The following MAGI1 variants were observed in gnomAD, a reference collection of about 807,000 sequenced individuals.
The protein encoded by MAGI1 is membrane associated guanylate kinase, WW and PDZ domain containing 1.
MAGI1 carries 58 observed loss-of-function variants against 139.9 expected under a neutral mutation model. That is an observed-to-expected ratio of 0.41 (90% CI 0.34 to 0.52). The LOEUF is 0.52. MAGI1 is among the 20% of genes least tolerant of loss of function. The pLI is 0.12. For missense variants in MAGI1, 1,874 were observed against 1,901.6 expected, an observed-to-expected ratio of 0.99 and a Z score of 0.27; for synonymous variants, 812 against 737.9, an observed-to-expected ratio of 1.10 and a Z score of -1.63.
intron 1 of MAGI1, among the ~76,000 whole-genome samples, chr3:65,887,405 A>C (rs1430714854): frequency 8.0e-6 from 1 of 125,686 alleles, no homozygotes; most frequent in African/African-American, 3.0e-5. Flanking sequence ...AAAAAAAAAA[A>C]GGGCAGGGGC....
chr3:65,420,606 GAATTTGTCCCCCAAAAAGAGACAACA>G (rs1178083712), intron 12 of MAGI1, among the ~76,000 whole-genome samples: 1 of 152,038 alleles, frequency 6.6e-6, no homozygotes, highest in Non-Finnish European at 1.5e-5. Flanking sequence ...TGATGTTAAT[GAATTTGTCCCCCAAAAAGAGACAACA>G]AAGCAACTTC....
Position 65,375,780 on chromosome 3 carries a change from C to T in MAGI1, c.3161G>A (p.Gly1054Glu). The change falls in exon 18 of 23, where the codon GGA becomes GAA. Residue 1054 changes from glycine to glutamate, a missense_variant. By Grantham distance (98) the Gly-to-Glu change is moderately conservative. Coordinates refer to ENST00000402939, the MANE Select transcript of MAGI1 (RefSeq NM_001033057.2). ...AATGATGCGGAGGGTAACTGTGTTT[C>T]CCGCTTCCTTGATTAGGTTCACAAT... Reference protein sequence around the residue: ...SDIVNLIKEAGNTVTLRIIPG... With the variant: ...SDIVNLIKEAENTVTLRIIPG... 6.2e-7 allele frequency: 1 copy of T among 1,613,992 alleles called. No individual in the cohort carries two copies. The highest frequency in any genetic ancestry group is 1.3e-5 in the African/African-American group (1 of 74,986).
chr3:65,524,989 A>C (rs1166865108), intron 2 of MAGI1, among the ~76,000 whole-genome samples: 1 of 152,164 alleles, frequency 6.6e-6, no homozygotes, highest in African/African-American at 2.4e-5. Context: ...GTCTTCCAGA[A>C]ACAATTATTT....
chr3:65,790,806 G>A (rs1465054880), intron 1 of MAGI1, among the ~76,000 whole-genome samples: 1 of 152,214 alleles, frequency 6.6e-6, no homozygotes, highest in East Asian at 1.9e-4. Context: ...CTGGCACGGT[G>A]ACTCATGCCT....
chr3:66,038,126 G>A lies in MAGI1; in HGVS notation c.183C>T (p.Gly61=). Reference sequence around the variant, plus strand: ...GCAGCTCCCCTTCGCCCAGCCTCGGGCCCTCGCCGCCGCCGGGAAGCCCCG... The same window carrying A: ...GCAGCTCCCCTTCGCCCAGCCTCGGACCCTCGCCGCCGCCGGGAAGCCCCG... ...EAAGLPGGGE[G]PRLGEGELLL... is the part of the protein sequence containing the mutation. Residue 61 remains glycine, a synonymous_variant, in exon 1 of 23, where the codon GGC becomes GGT. Transcript: ENST00000402939. 1 of 1,612,126 alleles carries A rather than the reference G, an allele frequency of 6.2e-7. No individual in the cohort carries two copies. Among genetic ancestry groups the A allele is most frequent in the Non-Finnish European group, 8.5e-7 (1 of 1,179,476 alleles).
chr3:65,990,998 AG>A (rs1380871544), intron 1 of MAGI1, among the ~76,000 whole-genome samples: 1 of 151,960 alleles, frequency 6.6e-6, no homozygotes, highest in Non-Finnish European at 1.5e-5. Flanking sequence ...AAAAAATAAA[AG>A]TAAATGAGGC....
At chr3:65,742,952 A>G (rs994493420) in intron 1 of MAGI1, among the ~76,000 whole-genome samples, 1 of 152,240 alleles carries the variant, frequency 6.6e-6, no homozygotes, top group African/African-American at 2.4e-5. Context: ...CTGAAAACAG[A>G]TATGAAAATT....
chr3:65,568,308 C>T (rs1000269620), intron 2 of MAGI1, among the ~76,000 whole-genome samples: 6 of 150,012 alleles, frequency 4.0e-5, no homozygotes, highest in Non-Finnish European at 8.9e-5. Flanking sequence ...TGACTGGACA[C>T]TTTTTTTTTT....
chr3:65,878,469 T>C lies in MAGI1; in HGVS notation c.313+159527A>G, dbSNP rs1016295441. On this transcript the variant is annotated intron_variant, in intron 1 of 22. Coordinates refer to ENST00000402939, the MANE Select transcript of MAGI1 (RefSeq NM_001033057.2). ...AAGCAGAGGTTGCAGTGAGCCAAGA[T>C]TGCGCTATTGCACTCCAGCCTGGAC... is the stretch of plus-strand genomic sequence containing the variant. Among the ~76,000 whole-genome samples the C allele has an allele frequency of 2.0e-5, 3 of 149,398 alleles. 1 individual carries two copies. In the South Asian group the frequency reaches 6.3e-4, roughly 31 times the overall value.
At chr3:65,641,725 G>T (rs143276034) in intron 1 of MAGI1, among the ~76,000 whole-genome samples, 1 of 152,130 alleles carries the variant, frequency 6.6e-6, no homozygotes, top group African/African-American at 2.4e-5. Flanking sequence ...AATTTAAATC[G>T]TGTTTCTGCC....
chr3:65,837,574 C>T (rs374319614), intron 1 of MAGI1, among the ~76,000 whole-genome samples: 2 of 152,184 alleles, frequency 1.3e-5, no homozygotes, highest in African/African-American at 4.8e-5. Flanking sequence ...CAGCTGCTTA[C>T]CCAACCATGG....
At chr3:65,922,846 C>A (rs1560017186) in intron 1 of MAGI1, among the ~76,000 whole-genome samples, 2 of 152,162 alleles carry the variant, frequency 1.3e-5, no homozygotes, top group Non-Finnish European at 1.5e-5. Context: ...TAACCACTGG[C>A]GTATTTCCTG....
chr3:65,637,276 G>C (rs1405792380), intron 1 of MAGI1, among the ~76,000 whole-genome samples: 1 of 151,964 alleles, frequency 6.6e-6, no homozygotes, highest in Admixed American at 6.6e-5. Flanking sequence ...TTGCAAGCTG[G>C]GCATGGTGGC....
chr3:65,514,299 T>C (rs1394475104), intron 2 of MAGI1, among the ~76,000 whole-genome samples: 12 of 127,614 alleles, frequency 9.4e-5, no homozygotes, highest in African/African-American at 3.2e-4. Context: ...AAAGACAAAA[T>C]TGACAAATGG....
intron 1 of MAGI1, among the ~76,000 whole-genome samples, chr3:65,841,744 T>C (rs971363279): frequency 1.3e-5 from 2 of 152,136 alleles, no homozygotes; most frequent in Non-Finnish European, 2.9e-5. Flanking sequence ...TCTTTTCTAA[T>C]ATAAGCATTT....
At chr3:65,907,912 CCT>C (rs1201600803) in intron 1 of MAGI1, among the ~76,000 whole-genome samples, 2 of 152,262 alleles carry the variant, frequency 1.3e-5, no homozygotes, top group African/African-American at 2.4e-5. Context: ...TAAAATGTCC[CCT>C]GTCACGTGTT....
At chr3:65,520,781 T>C (rs939590050) in intron 2 of MAGI1, among the ~76,000 whole-genome samples, 4 of 152,166 alleles carry the variant, frequency 2.6e-5, no homozygotes, top group Admixed American at 2.6e-4. Context: ...CAACAGTGTT[T>C]ATTAAGATGT....
chr3:65,775,476 T>C (rs2038310195), intron 1 of MAGI1, among the ~76,000 whole-genome samples: 2 of 132,814 alleles, frequency 1.5e-5, no homozygotes, highest in Non-Finnish European at 1.6e-5. Flanking sequence ...TTTTTAAGTG[T>C]TTTTTTCTCT....
intron 1 of MAGI1, among the ~76,000 whole-genome samples, chr3:65,630,555 A>G (rs2084236847): frequency 1.3e-5 from 2 of 152,206 alleles, no homozygotes; most frequent in Admixed American, 1.3e-4. Flanking sequence ...GAACAAAATA[A>G]TGTCTTTTGC....
Sources: allele counts gnomAD v4.1 joint callset (sites outside exome capture counted in the v4.1 genomes callset), GRCh38; gene constraint gnomAD v4.1.1; transcripts MANE v1.5; gene names NCBI Gene and HGNC (gene_info 2026-07-23, HGNC 2026-07-21).